ADAM12: variants seen among roughly 807,000 people sequenced by gnomAD.
The protein encoded by ADAM12 is disintegrin and metalloproteinase domain-containing protein 12.
A neutral mutation model predicts 106.4 loss-of-function variants in ADAM12; 70 were observed. The ratio of observed to expected loss-of-function variants is 0.66; its 90% confidence interval spans 0.54 to 0.80. The LOEUF is 0.80. Ranked by LOEUF, ADAM12 falls within the 30% of genes least tolerant of loss-of-function variation. The pLI is 0.00. For synonymous variants in ADAM12, 420 were observed against 433.5 expected (o/e 0.97, Z 0.39); for missense variants, 1,010 against 1,171.9 (o/e 0.86, Z 2.02).
rs781314816 is a variant in ADAM12, at chr10:126,098,509, T to C, written c.912-9A>G. On this transcript the variant is annotated splice_polypyrimidine_tract_variant and intron_variant, in intron 9 of 22. Transcript: ENST00000448723. ...CTTGGAAATAAACCCCACTAGGAAATAAAAGAGAGGACTTTCTTTAATCAA... is the reference window on the plus strand; with the variant it reads ...CTTGGAAATAAACCCCACTAGGAAACAAAAGAGAGGACTTTCTTTAATCAA... The C allele has an allele frequency of 2.5e-6, 4 of 1,609,514 alleles. No homozygotes were observed. The highest frequency in any genetic ancestry group is 1.3e-5 in the African/African-American group (1 of 74,806).
chr10:126,210,537 T>C (rs954267431), intron 3 of ADAM12, among the ~76,000 whole-genome samples: 1 of 152,072 alleles, frequency 6.6e-6, no homozygotes, highest in Non-Finnish European at 1.5e-5. Context: ...GAGAATGTCG[T>C]GGATGGCTTC....
At chr10:126,183,828 G>A (rs1957355744) in intron 3 of ADAM12, among the ~76,000 whole-genome samples, 1 of 152,132 alleles carries the variant, frequency 6.6e-6, no homozygotes. Context: ...ATTATAGAAG[G>A]TTTTGAAATC....
At chr10:126,315,100 A>G (rs1025287801) in intron 2 of ADAM12, among the ~76,000 whole-genome samples, 2 of 152,220 alleles carry the variant, frequency 1.3e-5, no homozygotes, top group Admixed American at 6.5e-5. Flanking sequence ...GAGCTTCTTG[A>G]AAGGAGTTGC....
intron 3 of ADAM12, among the ~76,000 whole-genome samples, chr10:126,159,803 T>C (rs1956900508): frequency 1.3e-5 from 2 of 152,152 alleles, no homozygotes; most frequent in African/African-American, 4.8e-5. Flanking sequence ...AGAACAGCAA[T>C]ACAAAGCCCT....
intron 3 of ADAM12, 76 bp from the exon 4 acceptor site, chr10:126,155,381 T>C: frequency 2.2e-6 from 3 of 1,359,108 alleles, no homozygotes; most frequent in Admixed American, 2.0e-5. Flanking sequence ...GTCTAGGCTA[T>C]AGGGTAGCAA....
chr10:126,046,698 G>A (rs1220120186), intron 16 of ADAM12, among the ~76,000 whole-genome samples: 2 of 151,088 alleles, frequency 1.3e-5, no homozygotes, highest in East Asian at 3.9e-4. Flanking sequence ...AGCTTCTTGG[G>A]AGGCCGAGGC....
In ADAM12 at chr10:126,386,978, G is replaced by C. The variant is rs1590853557; in HGVS notation, c.88+1080C>G. ...GCAGTGTGGCTTTTAACAAGAACTG[G>C]GTTTTAGCCACATTACAGTAGACGC... On this transcript the variant is annotated intron_variant, in intron 1 of 22. Transcript: ENST00000448723. Among the ~76,000 whole-genome samples, 3 of 152,202 alleles carry C rather than the reference G, an allele frequency of 2.0e-5. No homozygotes were observed. The East Asian group carries it at 5.8e-4, about 29-fold the overall frequency.
chr10:126,371,191 T>C lies in ADAM12; in HGVS notation c.88+16867A>G, dbSNP rs993726623. Among the ~76,000 whole-genome samples the C allele has an allele frequency of 3.9e-5, 6 of 152,202 alleles. No homozygotes were observed. In the South Asian group the frequency reaches 1.2e-3, roughly 32 times the overall value. Reference sequence around the variant, plus strand: ...CCTGCCTCCCAGGGCATGGTGAGAATGTATGAGAAGCTACTGAACCAGTGC... The same window carrying C: ...CCTGCCTCCCAGGGCATGGTGAGAACGTATGAGAAGCTACTGAACCAGTGC... On this transcript the variant is annotated intron_variant, in intron 1 of 22. Transcript: ENST00000448723.
chr10:126,078,899 T>C (rs1955155374), intron 11 of ADAM12, among the ~76,000 whole-genome samples: 1 of 152,100 alleles, frequency 6.6e-6, no homozygotes, highest in Non-Finnish European at 1.5e-5. Flanking sequence ...CAGCACTGGA[T>C]GACCAGCAGT....
intron 3 of ADAM12, among the ~76,000 whole-genome samples, chr10:126,243,360 T>C (rs916344338): frequency 2.0e-5 from 3 of 152,202 alleles, no homozygotes; most frequent in African/African-American, 7.2e-5. Flanking sequence ...AGCAAACCTT[T>C]ATTGATCTCT....
At chr10:126,265,269 C>T (rs1959075945) in intron 3 of ADAM12, among the ~76,000 whole-genome samples, 1 of 152,138 alleles carries the variant, frequency 6.6e-6, no homozygotes, top group Admixed American at 6.5e-5. Flanking sequence ...TGCTTTTTAT[C>T]TCATATCTCA....
chr10:126,275,883 T>C (rs555998103), intron 3 of ADAM12, among the ~76,000 whole-genome samples: 3 of 152,262 alleles, frequency 2.0e-5, no homozygotes, highest in Admixed American at 6.5e-5. Context: ...ATAAAGAAAG[T>C]AAATATCCTC....
At chr10:126,138,817 C>CTTTTTTTTTTTTTTT (rs71486579) in intron 4 of ADAM12, among the ~76,000 whole-genome samples, 3 of 127,948 alleles carry the variant, frequency 2.3e-5, no homozygotes, top group Non-Finnish European at 1.5e-5. Context: ...CTACACATAT[C>CTTTTTTTTTTTTTTT]TTTTTCTTTT....
intron 3 of ADAM12, among the ~76,000 whole-genome samples, chr10:126,231,484 T>C (rs1292867194): frequency 6.6e-6 from 1 of 152,130 alleles, no homozygotes; most frequent in Non-Finnish European, 1.5e-5. Flanking sequence ...CCCTCCCTAA[T>C]TCTAGCTACT....
At chr10:126,233,847 C>T (rs1302635179) in intron 3 of ADAM12, among the ~76,000 whole-genome samples, 1 of 152,146 alleles carries the variant, frequency 6.6e-6, no homozygotes, top group Non-Finnish European at 1.5e-5. Context: ...TAAGTGGCAA[C>T]TGTGTTTACA....
intron 3 of ADAM12, among the ~76,000 whole-genome samples, chr10:126,163,170 A>G (rs1456044454): frequency 2.6e-5 from 4 of 152,180 alleles, no homozygotes; most frequent in Non-Finnish European, 4.4e-5. Flanking sequence ...CCGTGAGCCA[A>G]TGAAACCTTT....
chr10:126,054,114 G>C (rs1158380541), intron 14 of ADAM12, among the ~76,000 whole-genome samples: 1 of 152,090 alleles, frequency 6.6e-6, no homozygotes, highest in African/African-American at 2.4e-5. Context: ...CTTGTTTCTA[G>C]GTTCAAGTAC....
chr10:126,019,028 G>T (rs1425859535), intron 22 of ADAM12, among the ~76,000 whole-genome samples: 1 of 152,172 alleles, frequency 6.6e-6, no homozygotes, highest in Non-Finnish European at 1.5e-5. Flanking sequence ...AAAGTTGAAG[G>T]TGGAGCCTTG....
chr10:126,287,989 A>C (rs981639569), intron 2 of ADAM12, among the ~76,000 whole-genome samples: 1 of 151,518 alleles, frequency 6.6e-6, no homozygotes, highest in African/African-American at 2.4e-5. Context: ...AGGCAGGAGG[A>C]GTCGGGGATG....
Sources: gnomAD v4.1 joint callset for allele counts (sites outside exome capture counted in the v4.1 genomes callset) on GRCh38, gnomAD v4.1.1 for gene constraint, MANE v1.5 for transcripts, NCBI Gene and HGNC (gene_info 2026-07-23, HGNC 2026-07-21) for gene names.